APC: variants seen among roughly 807,000 people sequenced by gnomAD.
APC encodes adenomatous polyposis coli protein.
A neutral mutation model predicts 247.0 loss-of-function variants in APC; 72 were observed. That is an observed-to-expected ratio of 0.29 (90% CI 0.24 to 0.35). The LOEUF (loss-of-function observed/expected upper bound fraction) is 0.35, where lower values mean the gene tolerates loss of function less well. APC is among the 10% of genes least tolerant of loss of function. APC has a pLI of 1.00. For missense variants in APC, 3,400 were observed against 3,360.7 expected (o/e 1.01, Z -0.29); for synonymous variants, 1,254 against 1,162.5 (o/e 1.08, Z -1.60).
At position 112,841,449 on chromosome 5, in the gene APC, A is replaced by G. The variant is rs1425477776; in HGVS notation, c.5855A>G (p.Gln1952Arg). 6.2e-7 allele frequency: 1 copy of G among 1,613,908 alleles called. No individual in the cohort carries two copies. ...DRGAATDEKL[Q>R]NFAIENTPVC... ...GGGGCAGCAACTGATGAAAAGTTAC[A>G]GAATTTTGCTATTGAAAATACTCCG... The change falls in exon 16 of 16, where the codon CAG (glutamine) becomes CGG (arginine). Residue 1952 changes from glutamine to arginine, a missense_variant. Around this residue, in one of 9 missense-constraint regions of APC, gnomAD observed 1,788 missense variants for 1,649.5 expected, o/e 1.08. Coordinates refer to ENST00000257430, the MANE Select transcript of APC (RefSeq NM_000038.6). The surrounding 1 kb of genome is among the most constrained non-coding windows in gnomAD (Gnocchi z 4.6).
chr5:112,812,389 C>T (rs1282570009), intron 8 of APC, among the ~76,000 whole-genome samples: 1 of 152,212 alleles, frequency 6.6e-6, no homozygotes, highest in East Asian at 1.9e-4. Flanking sequence ...CCTCCTTAGC[C>T]TGAGTCTCAG....
intron 2 of APC, among the ~76,000 whole-genome samples, chr5:112,755,983 AT>A (rs1237785670): frequency 6.6e-6 from 1 of 151,818 alleles, no homozygotes; most frequent in Non-Finnish European, 1.5e-5. Context: ...AAAAAAAAAA[AT>A]CTTCCTGCTT....
rs2149965904 is a variant in APC, at chr5:112,842,077, T to G, written c.6483T>G (p.Ser2161Arg). The G allele has an allele frequency of 1.9e-6, 3 of 1,611,502 alleles. No individual in the cohort carries two copies. The highest frequency in any genetic ancestry group is 2.5e-6 in the Non-Finnish European group (3 of 1,177,858). ...TPDQEEKPFT[S>R]NKGPRILKPG... ...ATCAAGAAGAAAAACCCTTTACAAG[T>G]AATAAAGGCCCACGAATTCTAAAAC... Residue 2161 changes from serine (S) to arginine (R), a missense_variant, in exon 16 of 16, where the codon AGT (serine) becomes AGG (arginine). Coordinates refer to ENST00000257430, the MANE Select transcript of APC (RefSeq NM_000038.6).
At chr5:112,816,839 A>C (rs2149769408) in intron 9 of APC, among the ~76,000 whole-genome samples, 1 of 152,054 alleles carries the variant, frequency 6.6e-6, no homozygotes. Context: ...ATTATTTTAA[A>C]GTCAGAGATT....
In APC at chr5:112,843,561, A is replaced by C. The variant is rs1463203731; in HGVS notation, c.7967A>C (p.Asp2656Ala). The change falls in exon 16 of 16, where the codon GAT (aspartate) becomes GCT (alanine). Residue 2656 changes from aspartate (D) to alanine (A), a missense_variant. This residue lies in a region of APC where 1,788 missense variants were observed against 1,649.5 expected (regional missense o/e 1.08). Coordinates refer to ENST00000257430, the MANE Select transcript of APC (RefSeq NM_000038.6). This position sits in a 1 kb window ranked among gnomAD's most constrained non-coding sequence, Gnocchi z 4.8. ...QMAPAVSKTE[D>A]VWVRIEDCPI... ...GCACCTGCTGTTTCTAAAACAGAGG[A>C]TGTTTGGGTGAGAATTGAGGACTGT... 4 of 1,613,812 alleles carry C rather than the reference A, an allele frequency of 2.5e-6. No homozygotes were observed. The highest frequency in any genetic ancestry group is 1.3e-5 in the African/African-American group (1 of 74,902).
rs374039966 is a variant in APC at position 112,815,629 on chromosome 5, A to T, written c.933+36A>T. 4.2e-5 allele frequency: 65 copies of T among 1,531,054 alleles called. No homozygotes were observed. The highest frequency in any genetic ancestry group is 5.0e-5 in the Non-Finnish European group (55 of 1,108,866). 94.8% of individuals were successfully genotyped at this position (1,531,054 alleles called of 1,614,324 possible). On this transcript the variant is annotated intron_variant, in intron 9 of 15. Transcript: ENST00000257430. ...ATTACAAACCCTGGTCACTAATGCC[A>T]TGACTACTTTGCTAAGACATTCTTG...
rs869312468 is a variant in APC at position 112,766,618 on chromosome 5, C to A, written c.220+208C>A. On this transcript the variant is annotated intron_variant, in intron 3 of 15. Transcript: ENST00000257430. The stretch of plus-strand genomic sequence containing the variant: ...TTTCTTCAGTTAAACATTTAACTGG[C>A]TTTGAATGAACTATTTTAAATCCCT... 6.6e-6 allele frequency among the ~76,000 whole-genome samples: 1 copy of A among 152,046 alleles called. No individual in the cohort carries two copies. The highest frequency in any genetic ancestry group is 1.5e-5 in the Non-Finnish European group (1 of 67,984).
rs786203018 is a variant in APC at position 112,837,576 on chromosome 5, G to C, written c.1982G>C (p.Cys661Ser). 1 of 1,612,922 alleles carries C rather than the reference G, an allele frequency of 6.2e-7. No individual in the cohort carries two copies. Among genetic ancestry groups the C allele is most frequent in the Non-Finnish European group, 8.5e-7 (1 of 1,179,046 alleles). The change falls in exon 16 of 16, where the codon TGT becomes TCT. Residue 661 changes from cysteine to serine, a missense_variant. Cys to Ser is a moderately radical substitution (Grantham distance 112). Coordinates refer to ENST00000257430, the MANE Select transcript of APC (RefSeq NM_000038.6). ...AGGCAAATCCTAAGAGAGAACAACT[G>C]TCTACAAACTTTATTACAACACTTA... ...DHRQILRENN[C>S]LQTLLQHLKS...
intron 6 of APC, among the ~76,000 whole-genome samples, chr5:112,782,567 A>C (rs1580386197): frequency 6.6e-6 from 1 of 152,164 alleles, no homozygotes; most frequent in Admixed American, 6.5e-5. Flanking sequence ...GTATGTGTAC[A>C]TGTTAGTTAT....
intron 4 of APC, among the ~76,000 whole-genome samples, chr5:112,768,504 G>T (rs543518074): frequency 6.7e-6 from 1 of 149,354 alleles, no homozygotes; most frequent in Admixed American, 6.7e-5. Flanking sequence ...GGCCACAAAT[G>T]AAATACTTCT....
At position 112,737,892 on chromosome 5, in the gene APC, A is replaced by T; in HGVS notation, c.-52A>T. ...GCAGCCCGCCAGGGTGTCACTGGAGACAGAATGGAGGTGCTGCCGGACTCG... is the reference window on the plus strand; with the variant it reads ...GCAGCCCGCCAGGGTGTCACTGGAGTCAGAATGGAGGTGCTGCCGGACTCG... On this transcript the variant is annotated 5_prime_UTR_variant, in exon 1 of 16. Transcript: ENST00000257430. The T allele has an allele frequency of 1.0e-6, 1 of 985,508 alleles. No homozygotes were observed. The highest frequency in any genetic ancestry group is 1.2e-6 in the Non-Finnish European group (1 of 830,038). The allele number at this position is 985,508 out of a possible 1,614,324, so 61.0% of individuals were successfully genotyped here.
chr5:112,728,999 C>T (rs1261138163), intron 1 of APC, among the ~76,000 whole-genome samples: 1 of 152,188 alleles, frequency 6.6e-6, no homozygotes, highest in Non-Finnish European at 1.5e-5. Flanking sequence ...AGTTCTGTTA[C>T]TACTTTCTCT....
intron 10 of APC, among the ~76,000 whole-genome samples, chr5:112,821,057 C>T (rs561657142): frequency 7.1e-6 from 1 of 140,526 alleles, no homozygotes; most frequent in Admixed American, 7.2e-5. Context: ...TTTTGAGAGA[C>T]GGGGTTTTGC....
intron 1 of APC, among the ~76,000 whole-genome samples, chr5:112,745,870 A>G (rs1044422646): frequency 1.3e-5 from 2 of 152,298 alleles, no homozygotes; most frequent in East Asian, 1.9e-4. Context: ...TTAAATAACT[A>G]TTAAAAATAA....
At position 112,763,221 on chromosome 5, in the gene APC, CA is replaced by C. The variant is rs200000852; in HGVS notation, c.136-3097del. ...ATTTTATTAAATTAGGAAGTGTGGA[CA>C]AAAAAAATCAAAATCAACTATTTTT... On this transcript the variant is annotated intron_variant, in intron 2 of 15. Coordinates refer to ENST00000257430, the MANE Select transcript of APC (RefSeq NM_000038.6). Among the ~76,000 whole-genome samples, 1,468 of 151,236 alleles carry C rather than the reference CA, an allele frequency of 9.7e-3. 23 individuals carry two copies. Among genetic ancestry groups the C allele is most frequent in the African/African-American group, 0.033 (1,366 of 41,274 alleles).
chr5:112,767,107 A>C, intron 3 of APC, 82 bp from the exon 4 acceptor site: 1 of 1,182,770 alleles, frequency 8.5e-7, no homozygotes, highest in Non-Finnish European at 1.2e-6. Flanking sequence ...CTAATATTTC[A>C]CTTTAAAATA....
rs1184095408 is a variant in APC, at chr5:112,707,708, G to T, written c.-10G>T. 3.6e-6 allele frequency: 5 copies of T among 1,370,494 alleles called. No individual in the cohort carries two copies. The highest frequency in any genetic ancestry group is 2.4e-5 in the South Asian group (2 of 81,732). 84.9% of individuals were successfully genotyped at this position (1,370,494 alleles called of 1,614,324 possible). A position where few individuals can be genotyped will look rare whatever the true frequency, so the allele number is the denominator to read the frequency against. On this transcript the variant is annotated 5_prime_UTR_variant, in exon 1 of 14. Transcript: ENST00000507379. ...GCACTCAGTTGCCTTCTCGGGCCTCGGCGCCCCCTATGTACGCCTCCCTGG... is the reference window on the plus strand; with the variant it reads ...GCACTCAGTTGCCTTCTCGGGCCTCTGCGCCCCCTATGTACGCCTCCCTGG...
intron 14 of APC, among the ~76,000 whole-genome samples, chr5:112,832,771 T>C (rs540097743): frequency 6.6e-6 from 1 of 152,348 alleles, no homozygotes; most frequent in African/African-American, 2.4e-5. Flanking sequence ...AAATATTTGA[T>C]TGATTTGATT....
intron 2 of APC, among the ~76,000 whole-genome samples, chr5:112,756,235 T>C (rs1293321333): frequency 2.0e-5 from 3 of 152,240 alleles, no homozygotes; most frequent in Non-Finnish European, 4.4e-5. Context: ...TGTCCTATTC[T>C]CTTTTTCCAT....
Sources: gnomAD v4.1 joint callset for allele counts (sites outside exome capture counted in the v4.1 genomes callset) on GRCh38, gnomAD v4.1.1 for gene constraint, gnomAD v4.1.1 regional missense constraint, Gnocchi (gnomAD v3.1) non-coding constraint, MANE v1.5 for transcripts, NCBI Gene and HGNC (gene_info 2026-07-23, HGNC 2026-07-21) for gene names.